Variants in BICD1 observed in about 807,000 individuals in gnomAD.
The protein encoded by BICD1 is protein bicaudal D homolog 1.
Under a neutral mutation model 92.5 loss-of-function variants are expected in BICD1, and 35 were observed. The ratio of observed to expected loss-of-function variants is 0.38; its 90% confidence interval spans 0.29 to 0.50. The LOEUF (loss-of-function observed/expected upper bound fraction) is 0.50, where lower values mean the gene tolerates loss of function less well. Ranked by LOEUF, BICD1 falls within the 20% of genes least tolerant of loss-of-function variation. BICD1 has a pLI of 0.93. For synonymous variants in BICD1, 429 were observed against 465.1 expected, an observed-to-expected ratio of 0.92 and a Z score of 1.00; for missense variants, 950 against 1,189.8, an observed-to-expected ratio of 0.80 and a Z score of 2.97.
chr12:32,217,948 C>T (rs538710047), intron 2 of BICD1, among the ~76,000 whole-genome samples: 50 of 152,272 alleles, frequency 3.3e-4, no homozygotes, highest in Admixed American at 2.0e-3. Flanking sequence ...ACGTGAGGAC[C>T]GTGTGCACAC....
intron 1 of BICD1, among the ~76,000 whole-genome samples, chr12:32,188,553 T>A (rs1168154074): frequency 6.6e-6 from 1 of 152,226 alleles, no homozygotes; most frequent in Non-Finnish European, 1.5e-5. Flanking sequence ...TCCCTGACAT[T>A]ACCTGCCAAC....
chr12:32,305,441 AT>A (rs1461472691), intron 3 of BICD1, among the ~76,000 whole-genome samples: 3 of 151,622 alleles, frequency 2.0e-5, no homozygotes, highest in African/African-American at 7.3e-5. Flanking sequence ...ATATAGATGT[AT>A]ATTATTAGAT....
At chr12:32,347,650 AAG>A (rs869257020) in intron 8 of BICD1, among the ~76,000 whole-genome samples, 19 of 151,612 alleles carry the variant, frequency 1.3e-4, no homozygotes, top group East Asian at 6.0e-4. Flanking sequence ...ATTAAAAAAA[AAG>A]AAAAAGTTTG....
At chr12:32,148,479 A>T (rs1445883884) in intron 1 of BICD1, among the ~76,000 whole-genome samples, 1 of 152,202 alleles carries the variant, frequency 6.6e-6, no homozygotes, top group Non-Finnish European at 1.5e-5. Flanking sequence ...GGTTTTGTGC[A>T]TCAGTCTCCT....
intron 2 of BICD1, among the ~76,000 whole-genome samples, chr12:32,245,642 A>G (rs1946360133): frequency 6.6e-6 from 1 of 151,816 alleles, no homozygotes; most frequent in Admixed American, 6.6e-5. Flanking sequence ...AGATGAGCAT[A>G]ATATTGCAAT....
At chr12:32,359,239 T>A (rs1369025040) in intron 8 of BICD1, among the ~76,000 whole-genome samples, 1 of 152,218 alleles carries the variant, frequency 6.6e-6, no homozygotes, top group Non-Finnish European at 1.5e-5. Flanking sequence ...TTACTCCAAG[T>A]TTATAAGATT....
intron 1 of BICD1, among the ~76,000 whole-genome samples, chr12:32,196,146 G>C (rs1271461656): frequency 2.0e-5 from 3 of 152,204 alleles, no homozygotes; most frequent in Admixed American, 6.6e-5. Context: ...GAGATAGTAA[G>C]TGTTGGCGAG....
At chr12:32,263,549 G>GAA (rs570635188) in intron 2 of BICD1, among the ~76,000 whole-genome samples, 5 of 99,310 alleles carry the variant, frequency 5.0e-5, no homozygotes, top group Non-Finnish European at 8.9e-5. Context: ...ATCCCAAAAA[G>GAA]AAAAAAAAAA....
intron 2 of BICD1, among the ~76,000 whole-genome samples, chr12:32,254,950 C>G (rs1228517508): frequency 6.6e-6 from 1 of 152,134 alleles, no homozygotes; most frequent in Non-Finnish European, 1.5e-5. Flanking sequence ...TCTTCTTGGA[C>G]AAGATCTTGG....
At chr12:32,295,072 A>G (rs1298690725) in intron 3 of BICD1, among the ~76,000 whole-genome samples, 5 of 117,570 alleles carry the variant, frequency 4.3e-5, no homozygotes. Context: ...ACAGAGTGAG[A>G]TTCCGTCTCG....
At chr12:32,130,786 T>A (rs182863910) in intron 1 of BICD1, among the ~76,000 whole-genome samples, 1 of 152,308 alleles carries the variant, frequency 6.6e-6, no homozygotes, top group African/African-American at 2.4e-5. Context: ...ATTCTTTTTT[T>A]AACATATCTT....
intron 2 of BICD1, among the ~76,000 whole-genome samples, chr12:32,287,542 TG>T (rs1221751643): frequency 0.01 from 1,335 of 129,456 alleles, 28 homozygotes; most frequent in African/African-American, 0.03. Context: ...TTTTTTTTTT[TG>T]TTTTTTTTTT....
At chr12:32,196,770 T>G (rs1466274082) in intron 1 of BICD1, among the ~76,000 whole-genome samples, 4 of 152,200 alleles carry the variant, frequency 2.6e-5, no homozygotes, top group Non-Finnish European at 4.4e-5. Context: ...AGATTTTAAG[T>G]GTCAGCACTG....
intron 3 of BICD1, among the ~76,000 whole-genome samples, chr12:32,294,803 C>T (rs961007804): frequency 3.3e-5 from 5 of 151,720 alleles, no homozygotes; most frequent in Admixed American, 2.0e-4. Context: ...AAAAAGAGGC[C>T]GGGCGTGGTG....
intron 1 of BICD1, among the ~76,000 whole-genome samples, chr12:32,148,142 C>CAAAA (rs10525262): frequency 8.3e-5 from 5 of 60,590 alleles, no homozygotes; most frequent in South Asian, 1.5e-3. Context: ...ACTCCGTCTC[C>CAAAA]AAAAAAAAAA....
At chr12:32,239,246 C>CA (rs528710775) in intron 2 of BICD1, among the ~76,000 whole-genome samples, 5 of 99,288 alleles carry the variant, frequency 5.0e-5, no homozygotes, top group Admixed American at 1.1e-4. Context: ...GACTCCGTCT[C>CA]AAAAAAAAAA....
Position 32,328,220 on chromosome 12 carries a change from A to G in BICD1, c.1765A>G (p.Ser589Gly), listed in dbSNP as rs1395755171. 1 of 1,614,220 alleles carries G rather than the reference A, an allele frequency of 6.2e-7. No individual in the cohort carries two copies. The highest frequency in any genetic ancestry group is 1.7e-5 in the Admixed American group (1 of 60,026). Residue 589 changes from serine to glycine, a missense_variant, in exon 5 of 10, where the codon AGC becomes GGC. Ser to Gly is a moderately conservative substitution (Grantham distance 56, BLOSUM62 0). Coordinates refer to ENST00000652176, the MANE Select transcript of BICD1 (RefSeq NM_001714.4). The surrounding 1 kb of genome is among the most constrained non-coding windows in gnomAD (Gnocchi z 4.4). Reference protein sequence around the residue: ...EPVAKESTEASKEPSPTKTPT... With the variant: ...EPVAKESTEAGKEPSPTKTPT... ...AGTTGCAAAAGAAAGCACAGAGGCC[A>G]GCAAAGAACCAAGTCCAACTAAGAC...
intron 2 of BICD1, among the ~76,000 whole-genome samples, chr12:32,260,149 T>C (rs1244516101): frequency 6.6e-6 from 1 of 152,196 alleles, no homozygotes; most frequent in Non-Finnish European, 1.5e-5. Context: ...GGTCTCGAAC[T>C]CCCCACCTCA....
chr12:32,165,923 A>C (rs986979466), intron 1 of BICD1, among the ~76,000 whole-genome samples: 7 of 152,048 alleles, frequency 4.6e-5, no homozygotes, highest in Non-Finnish European at 1.0e-4. Flanking sequence ...TTCTAAGTGG[A>C]AAATTATTGT....
Sources: gnomAD v4.1 joint callset for allele counts (sites outside exome capture counted in the v4.1 genomes callset) on GRCh38, gnomAD v4.1.1 for gene constraint, Gnocchi (gnomAD v3.1) non-coding constraint, MANE v1.5 for transcripts, NCBI Gene and HGNC (gene_info 2026-07-23, HGNC 2026-07-21) for gene names.